The following SOX5 variants were observed in gnomAD, a reference collection of about 807,000 sequenced individuals.
The protein encoded by SOX5 is SRY-box transcription factor 5.
SOX5 carries 9 observed loss-of-function variants against 92.0 expected under a neutral mutation model. The ratio of observed to expected loss-of-function variants is 0.10; its 90% CI spans 0.06 to 0.17. SOX5 has a LOEUF of 0.17. SOX5 is among the 10% of genes least tolerant of loss of function. SOX5 has a pLI of 1.00. For missense variants in SOX5, 642 were observed against 944.5 expected (o/e 0.68, Z 4.20); for synonymous variants, 344 against 336.3 (o/e 1.02, Z -0.25).
intron 10 of SOX5, among the ~76,000 whole-genome samples, chr12:23,574,519 T>C (rs1948831543): frequency 6.6e-6 from 1 of 152,256 alleles, no homozygotes; most frequent in Non-Finnish European, 1.5e-5. Context: ...CTATTGTGAC[T>C]GAATTATGTC....
chr12:24,136,491 C>G (rs1012550672), intron 4 of SOX5, among the ~76,000 whole-genome samples: 2 of 152,248 alleles, frequency 1.3e-5, no homozygotes, highest in African/African-American at 4.8e-5. Flanking sequence ...TTTGCCCTCT[C>G]TAACCCTAAA....
chr12:23,634,518 T>C (rs2078967787), intron 8 of SOX5, among the ~76,000 whole-genome samples: 1 of 151,890 alleles, frequency 6.6e-6, no homozygotes, highest in South Asian at 2.1e-4. Flanking sequence ...AGGAAGGGAG[T>C]ATGCCTTGGT....
intron 4 of SOX5, among the ~76,000 whole-genome samples, chr12:24,111,730 C>A (rs116956559): frequency 2.0e-5 from 3 of 152,160 alleles, no homozygotes; most frequent in Non-Finnish European, 4.4e-5. Flanking sequence ...TACCATTAAA[C>A]CTTAGAATTC....
At chr12:23,850,473 TAA>T (rs143417316) in intron 2 of SOX5, among the ~76,000 whole-genome samples, 115 of 145,004 alleles carry the variant, frequency 7.9e-4, no homozygotes, top group African/African-American at 2.5e-3. Flanking sequence ...AAATAAAAAA[TAA>T]AAAAAAAATC....
At chr12:23,577,508 T>C (rs1386447924) in intron 9 of SOX5, among the ~76,000 whole-genome samples, 2 of 152,034 alleles carry the variant, frequency 1.3e-5, no homozygotes, top group Non-Finnish European at 2.9e-5. Flanking sequence ...CTCAAGTCTA[T>C]ATTTTTAAGT....
At chr12:24,404,028 G>T (rs1240653371) in intron 1 of SOX5, among the ~76,000 whole-genome samples, 2 of 152,130 alleles carry the variant, frequency 1.3e-5, no homozygotes, top group Non-Finnish European at 2.9e-5. Flanking sequence ...CTAAAGAATT[G>T]TTTTTAAAAG....
At chr12:23,971,623 A>G (rs1214949262) in intron 4 of SOX5, among the ~76,000 whole-genome samples, 1 of 151,616 alleles carries the variant, frequency 6.6e-6, no homozygotes, top group Non-Finnish European at 1.5e-5. Flanking sequence ...TCAGCCAAGT[A>G]TAGAAAATGA....
At chr12:24,284,074 A>G (rs1350007279) in intron 2 of SOX5, among the ~76,000 whole-genome samples, 1 of 152,216 alleles carries the variant, frequency 6.6e-6, no homozygotes, top group African/African-American at 2.4e-5. Context: ...GCCAGAGGCT[A>G]TGTCAGATAG....
At chr12:23,859,414 T>G (rs974425509) in intron 2 of SOX5, among the ~76,000 whole-genome samples, 1 of 152,196 alleles carries the variant, frequency 6.6e-6, no homozygotes, top group African/African-American at 2.4e-5. Context: ...TGCAGTGCCC[T>G]TCAGGCTTAC....
intron 2 of SOX5, among the ~76,000 whole-genome samples, chr12:24,356,365 C>A (rs1404619028): frequency 6.6e-6 from 1 of 152,140 alleles, no homozygotes; most frequent in Non-Finnish European, 1.5e-5. Context: ...CATTATGCCA[C>A]AGAAACATGC....
chr12:23,821,263 T>G (rs1015259579), intron 3 of SOX5, among the ~76,000 whole-genome samples: 8 of 152,178 alleles, frequency 5.3e-5, no homozygotes, highest in African/African-American at 1.7e-4. Flanking sequence ...GTGATTTTTG[T>G]ACATTAATTT....
chr12:24,176,068 C>T (rs1377011946), intron 4 of SOX5, among the ~76,000 whole-genome samples: 6 of 152,112 alleles, frequency 3.9e-5, no homozygotes, highest in Non-Finnish European at 8.8e-5. Context: ...CAGTGACTCA[C>T]ACCTGTAATT....
At chr12:23,715,119 GAA>G (rs1242313315) in intron 6 of SOX5, among the ~76,000 whole-genome samples, 1 of 152,010 alleles carries the variant, frequency 6.6e-6, no homozygotes, top group Non-Finnish European at 1.5e-5. Context: ...CTAACACTGT[GAA>G]ACCCCGTCTC....
intron 4 of SOX5, among the ~76,000 whole-genome samples, chr12:24,176,970 GTTTTTTGTTTTTTTT>G (rs988605595): frequency 1.8e-5 from 1 of 56,866 alleles, no homozygotes; most frequent in African/African-American, 6.9e-5. Context: ...GTCAAGTTTT[GTTTTTTGTTTTTTTT>G]TTTTTTTTTT....
At chr12:24,241,715 A>G (rs1481848300) in intron 3 of SOX5, among the ~76,000 whole-genome samples, 1 of 152,150 alleles carries the variant, frequency 6.6e-6, no homozygotes, top group Non-Finnish European at 1.5e-5. Flanking sequence ...CAAAAATGGT[A>G]TAGTTAAGAT....
intron 1 of SOX5, among the ~76,000 whole-genome samples, chr12:23,902,462 G>A (rs2097245486): frequency 6.6e-6 from 1 of 152,096 alleles, no homozygotes; most frequent in Non-Finnish European, 1.5e-5. Flanking sequence ...TATCTAGAAA[G>A]AGGAAACTCA....
At chr12:23,810,292 T>C (rs1284918836) in intron 3 of SOX5, among the ~76,000 whole-genome samples, 1 of 152,172 alleles carries the variant, frequency 6.6e-6, no homozygotes, top group Admixed American at 6.6e-5. Flanking sequence ...TTACAAAACA[T>C]GGCACCAGAC....
chr12:23,859,203 C>T (rs547173695), intron 2 of SOX5, among the ~76,000 whole-genome samples: 5 of 152,258 alleles, frequency 3.3e-5, no homozygotes, highest in Admixed American at 3.3e-4. Flanking sequence ...AGAATACAGC[C>T]ATATTTTTCA....
intron 6 of SOX5, among the ~76,000 whole-genome samples, chr12:23,729,231 T>TTAGTTAGGTA (rs2093295546): frequency 6.6e-6 from 1 of 152,144 alleles, no homozygotes; most frequent in African/African-American, 2.4e-5. Context: ...TATTTCCTTT[T>TTAGTTAGGTA]TTATAGATTG....
Sources: gnomAD v4.1 joint callset for allele counts (sites outside exome capture counted in the v4.1 genomes callset) on GRCh38, gnomAD v4.1.1 for gene constraint, MANE v1.5 for transcripts, NCBI Gene and HGNC (gene_info 2026-07-23, HGNC 2026-07-21) for gene names.